The following DOCK3 variants were observed in gnomAD, a reference collection of about 807,000 sequenced individuals.
The protein encoded by DOCK3 is dedicator of cytokinesis protein 3.
DOCK3 carries 60 observed loss-of-function variants against 265.6 expected under a neutral mutation model. The observed-to-expected ratio is 0.23, with a 90% confidence interval of 0.18 to 0.28. The LOEUF (loss-of-function observed/expected upper bound fraction) is 0.28, where lower values mean the gene tolerates loss of function less well. Among genes scored for constraint, DOCK3 ranks in the 10% least tolerant of loss-of-function variants. DOCK3 has a pLI of 1.00. For synonymous variants in DOCK3, 881 were observed against 938.0 expected (o/e 0.94, Z 1.11); for missense variants, 1,981 against 2,594.3 (o/e 0.76, Z 5.14).
chr3:50,999,815 T>C (rs1270025450), intron 5 of DOCK3, among the ~76,000 whole-genome samples: 1 of 152,224 alleles, frequency 6.6e-6, no homozygotes, highest in Non-Finnish European at 1.5e-5. Flanking sequence ...TTGCAAAGAC[T>C]GCATTCCTTG....
At chr3:51,007,867 T>C (rs1252183717) in intron 5 of DOCK3, among the ~76,000 whole-genome samples, 1 of 152,226 alleles carries the variant, frequency 6.6e-6, no homozygotes, top group Non-Finnish European at 1.5e-5. Flanking sequence ...GCACCATTTA[T>C]TACATAGAGA....
chr3:50,823,952 T>C (rs1056749940), intron 2 of DOCK3, among the ~76,000 whole-genome samples: 3 of 152,248 alleles, frequency 2.0e-5, no homozygotes, highest in Non-Finnish European at 4.4e-5. Flanking sequence ...CCTCCATTTT[T>C]TAGTTGAGGA....
intron 12 of DOCK3, among the ~76,000 whole-genome samples, chr3:51,186,233 A>G (rs2087595697): frequency 6.6e-6 from 1 of 152,208 alleles, no homozygotes. Flanking sequence ...AACTGGAGCA[A>G]AGATGACTTT....
intron 1 of DOCK3, among the ~76,000 whole-genome samples, chr3:50,736,113 A>G: frequency 6.6e-6 from 1 of 151,702 alleles, no homozygotes; most frequent in East Asian, 1.9e-4. Context: ...AAGTGTTCCC[A>G]TTGTTCAATT....
intron 22 of DOCK3, among the ~76,000 whole-genome samples, chr3:51,255,213 G>T (rs1576558347): frequency 6.6e-6 from 1 of 152,228 alleles, no homozygotes; most frequent in African/African-American, 2.4e-5. Context: ...CTTCTGGCTT[G>T]TAGAGTTTCT....
At position 51,292,883 on chromosome 3, in the gene DOCK3, G is replaced by T. The variant is rs371973758; in HGVS notation, c.2922+12679G>T. 4.1e-4 allele frequency among the ~76,000 whole-genome samples: 63 copies of T among 152,168 alleles called. 1 individual carries two copies. Among genetic ancestry groups the T allele is most frequent in the African/African-American group, 1.5e-3 (62 of 41,524 alleles). ...TTTGGTAGAGATGGGGTTTTACCAT[G>T]TTGGCCAGGTTTCAGGGGTACATTT... On this transcript the variant is annotated intron_variant, in intron 27 of 52. Coordinates refer to ENST00000266037, the MANE Select transcript of DOCK3 (RefSeq NM_004947.5).
intron 27 of DOCK3, among the ~76,000 whole-genome samples, chr3:51,306,698 A>G (rs2082708612): frequency 6.6e-6 from 1 of 152,164 alleles, no homozygotes; most frequent in Non-Finnish European, 1.5e-5. Context: ...CCCTTTAGTG[A>G]ATTTTTCATT....
At chr3:50,979,578 T>C (rs745758292) in intron 5 of DOCK3, among the ~76,000 whole-genome samples, 1 of 152,176 alleles carries the variant, frequency 6.6e-6, no homozygotes, top group Non-Finnish European at 1.5e-5. Context: ...TTTGCCATGA[T>C]TGGAAGCTCC....
At chr3:51,348,968 C>T in intron 39 of DOCK3, 30 bp downstream of exon 39, 2 of 1,298,496 alleles carry the variant, frequency 1.5e-6, no homozygotes, top group Non-Finnish European at 2.1e-6. Context: ...CCACCCCAGC[C>T]CTGACTGGCA....
intron 8 of DOCK3, among the ~76,000 whole-genome samples, chr3:51,089,898 C>CA (rs1166631932): frequency 0.096 from 3,542 of 37,042 alleles, 241 homozygotes; most frequent in African/African-American, 0.22. Context: ...GACTCTGTCT[C>CA]AAAAAAAAAA....
At chr3:50,825,656 A>G (rs1266594886) in intron 2 of DOCK3, among the ~76,000 whole-genome samples, 1 of 152,110 alleles carries the variant, frequency 6.6e-6, no homozygotes, top group Admixed American at 6.5e-5. Context: ...GAAGACTGAC[A>G]GCCTTCATCC....
intron 5 of DOCK3, among the ~76,000 whole-genome samples, chr3:51,058,409 G>A (rs1251860441): frequency 6.6e-6 from 1 of 151,976 alleles, no homozygotes; most frequent in African/African-American, 2.4e-5. Flanking sequence ...TGAAACTCTT[G>A]ATTAAAAAAA....
intron 27 of DOCK3, among the ~76,000 whole-genome samples, chr3:51,307,686 TC>T (rs985745640): frequency 2.6e-5 from 4 of 152,006 alleles, no homozygotes; most frequent in Non-Finnish European, 4.4e-5. Context: ...TCTCAGGCCT[TC>T]CCTAGGAATG....
chr3:50,780,334 A>G (rs2041847297), intron 2 of DOCK3, among the ~76,000 whole-genome samples: 1 of 152,186 alleles, frequency 6.6e-6, no homozygotes, highest in South Asian at 2.1e-4. Flanking sequence ...ATGTTTTGCT[A>G]TAAAGGAGTA....
At chr3:51,102,407 A>T (rs988517324) in intron 9 of DOCK3, among the ~76,000 whole-genome samples, 1 of 152,210 alleles carries the variant, frequency 6.6e-6, no homozygotes, top group African/African-American at 2.4e-5. Flanking sequence ...GTATGTCAGG[A>T]TTTGTATTTT....
At chr3:51,193,801 C>CTTTTTTTT (rs36051516) in intron 12 of DOCK3, among the ~76,000 whole-genome samples, 12 of 126,658 alleles carry the variant, frequency 9.5e-5, no homozygotes, top group Admixed American at 1.6e-4. Flanking sequence ...GGGCTTCTCT[C>CTTTTTTTT]TTTTTTTTTT....
chr3:51,277,983 C>T, intron 26 of DOCK3: 1 of 985,366 alleles, frequency 1.0e-6, no homozygotes, highest in Non-Finnish European at 1.2e-6. Flanking sequence ...GGGAATGTTT[C>T]TTGTCCTGTT....
intron 5 of DOCK3, among the ~76,000 whole-genome samples, chr3:51,059,490 CACA>C (rs1560003771): frequency 1.1e-3 from 167 of 148,066 alleles, no homozygotes; most frequent in Middle Eastern, 3.5e-3. Context: ...CACACACACA[CACA>C]CCCCACATCC....
chr3:51,092,905 A>G (rs1426068020), intron 9 of DOCK3, among the ~76,000 whole-genome samples: 1 of 152,212 alleles, frequency 6.6e-6, no homozygotes, highest in Non-Finnish European at 1.5e-5. Context: ...ATGGCTAGCC[A>G]GTTTTCCCGA....
Sources: gnomAD v4.1 joint callset for allele counts (sites outside exome capture counted in the v4.1 genomes callset) on GRCh38, gnomAD v4.1.1 for gene constraint, MANE v1.5 for transcripts, NCBI Gene and HGNC (gene_info 2026-07-23, HGNC 2026-07-21) for gene names.